CERS5: variants seen among roughly 807,000 people sequenced by gnomAD.
CERS5 encodes the protein ceramide synthase 5.
In CERS5, 37 loss-of-function variants were observed where a neutral mutation model predicts 58.9. The observed-to-expected ratio is 0.63, with a 90% CI of 0.48 to 0.83. The LOEUF (loss-of-function observed/expected upper bound fraction) is 0.83, where lower values mean the gene tolerates loss of function less well. Ranked by LOEUF, CERS5 falls within the 40% of genes least tolerant of loss-of-function variation. The pLI, the probability that CERS5 is intolerant of heterozygous loss-of-function variation, is 0.00. For synonymous variants in CERS5, 147 were observed against 177.8 expected, an observed-to-expected ratio of 0.83 and a Z score of 1.38; for missense variants, 398 against 489.3, an observed-to-expected ratio of 0.81 and a Z score of 1.76.
chr12:50,130,555 GCCCAGTAGCTGCCT>G lies in CERS5; in HGVS notation c.1155_1168del (p.Gly386Ter), dbSNP rs753429264. On this transcript the variant is annotated frameshift_variant, in exon 10 of 10. Transcript: ENST00000317551. LOFTEE classifies it high-confidence loss of function. ...CCTATAGCAACCACCTTACTCTTCA[GCCCAGTAGCTGCCT>G]CCCATGTGACCATTCACCCGATTGG... 4.4e-6 allele frequency: 7 copies of G among 1,606,198 alleles called. No individual in the cohort carries two copies. Among genetic ancestry groups the G allele is most frequent in the Non-Finnish European group, 6.0e-6 (7 of 1,173,758 alleles).
chr12:50,142,704 A>T (rs1346988720), intron 3 of CERS5, among the ~76,000 whole-genome samples: 2 of 152,238 alleles, frequency 1.3e-5, no homozygotes, highest in African/African-American at 2.4e-5. Context: ...AATGAAAAAT[A>T]GTATTTCCCA....
chr12:50,135,148 G>A (rs1417239427), intron 8 of CERS5, among the ~76,000 whole-genome samples: 6 of 46,188 alleles, frequency 1.3e-4, no homozygotes, highest in South Asian at 1.2e-3. Context: ...AGAGAGAGAG[G>A]AGGGAGGGAG....
At chr12:50,155,465 G>C (rs1025747596) in intron 1 of CERS5, among the ~76,000 whole-genome samples, 2 of 151,842 alleles carry the variant, frequency 1.3e-5, no homozygotes, top group Admixed American at 6.6e-5. Flanking sequence ...TGCCAGGCAC[G>C]GTGACTCAGG....
In CERS5 at chr12:50,138,537, A is replaced by G. The variant is rs768577227; in HGVS notation, c.543+30T>C. On this transcript the variant is annotated intron_variant, in intron 5 of 9. Transcript: ENST00000317551. ...TCACTCCACCTTATACACATTCAAG[A>G]CCCCTATCCTGAAACGACTCAGATC... 11 of 1,595,758 alleles carry G rather than the reference A, an allele frequency of 6.9e-6. 1 individual carries two copies. The highest frequency in any genetic ancestry group is 6.7e-5 in the Admixed American group (4 of 59,946).
intron 1 of CERS5, chr12:50,144,590 T>A: frequency 2.4e-6 from 1 of 422,950 alleles, no homozygotes; most frequent in Non-Finnish European, 4.2e-6. Flanking sequence ...CATATAGATA[T>A]CCTGGATCTT....
rs976487810 is a variant in CERS5, at chr12:50,129,439, A to G, written c.*1106T>C. On this transcript the variant is annotated 3_prime_UTR_variant, in exon 10 of 10. Transcript: ENST00000317551. Reference sequence around the variant, plus strand: ...CTGACTTTCAAAAGCATATTCATTCATATTTCACAACAATATTAGTCTATT... The same window carrying G: ...CTGACTTTCAAAAGCATATTCATTCGTATTTCACAACAATATTAGTCTATT... 1 of 151,960 alleles carries G rather than the reference A, an allele frequency of 6.6e-6. No homozygotes were observed. Among genetic ancestry groups the G allele is most frequent in the African/African-American group, 2.4e-5 (1 of 41,366 alleles). 9.4% of individuals were successfully genotyped at this position (151,960 alleles called of 1,614,324 possible). A position where few individuals can be genotyped will look rare whatever the true frequency, so the allele number is the denominator to read the frequency against.
intron 1 of CERS5, chr12:50,144,657 G>A (rs1952158314): frequency 7.2e-6 from 4 of 552,108 alleles, no homozygotes; most frequent in East Asian, 3.1e-5. Context: ...TTCAGGAGTC[G>A]AGAAGAAAGA....
At chr12:50,139,325 C>G (rs1951843759) in intron 4 of CERS5, among the ~76,000 whole-genome samples, 1 of 151,616 alleles carries the variant, frequency 6.6e-6, no homozygotes. Flanking sequence ...ACAAAAAATA[C>G]AAAAATTAGC....
At chr12:50,146,428 A>G (rs1034354204) in intron 1 of CERS5, among the ~76,000 whole-genome samples, 11 of 152,194 alleles carry the variant, frequency 7.2e-5, no homozygotes, top group African/African-American at 2.4e-4. Flanking sequence ...CAATTTTAAA[A>G]TTACTATTAT....
In CERS5 at chr12:50,130,409, A is replaced by G; in HGVS notation, c.*136T>C. On this transcript the variant is annotated 3_prime_UTR_variant, in exon 10 of 10. Coordinates refer to ENST00000317551, the MANE Select transcript of CERS5 (RefSeq NM_147190.5). ...ATGGCAGTTTTCTTTCAAAGTGAAA[A>G]TATTTGCTTCTTTGATACTCCTCAG... The G allele has an allele frequency of 1.4e-6, 1 of 739,510 alleles. No homozygotes were observed. The highest frequency in any genetic ancestry group is 2.9e-5 in the Admixed American group (1 of 34,742). The allele number at this position is 739,510 out of a possible 1,614,324, so 45.8% of individuals were successfully genotyped here.
chr12:50,152,861 G>A (rs1938118970), intron 1 of CERS5, among the ~76,000 whole-genome samples: 1 of 152,076 alleles, frequency 6.6e-6, no homozygotes, highest in Non-Finnish European at 1.5e-5. Flanking sequence ...CCTGAGGTCA[G>A]GAGTTTGAGA....
At chr12:50,133,250 C>T (rs1450074832) in intron 9 of CERS5, 3 of 1,078,020 alleles carry the variant, frequency 2.8e-6, no homozygotes, top group Non-Finnish European at 3.4e-6. Flanking sequence ...CAGAGCCCCT[C>T]CCACTTGGGA....
intron 1 of CERS5, among the ~76,000 whole-genome samples, chr12:50,152,582 T>C (rs370824718): frequency 3.3e-5 from 5 of 149,774 alleles, no homozygotes; most frequent in Non-Finnish European, 4.4e-5. Flanking sequence ...TCTCCACTTA[T>C]TCTGTGATAA....
intron 1 of CERS5, among the ~76,000 whole-genome samples, chr12:50,155,397 A>G (rs1008905718): frequency 2.0e-5 from 3 of 151,848 alleles, no homozygotes; most frequent in Admixed American, 2.0e-4. Context: ...CATTTCTTGC[A>G]TGGTCTGTGC....
intron 4 of CERS5, among the ~76,000 whole-genome samples, chr12:50,140,284 A>ATTTTTTTTTTTTTTTTTTTT (rs57651378): frequency 1.7e-4 from 16 of 96,248 alleles, no homozygotes; most frequent in African/African-American, 7.2e-4. Context: ...TAACTTCCAA[A>ATTTTTTTTTTTTTTTTTTTT]TTTTTTTTTT....
chr12:50,154,379 C>G (rs576496067), intron 1 of CERS5: 1 of 160,798 alleles, frequency 6.2e-6, no homozygotes, highest in Admixed American at 6.5e-5. Context: ...AAAACTGCTA[C>G]TTGTGTTTTG....
intron 1 of CERS5, among the ~76,000 whole-genome samples, chr12:50,157,164 C>T (rs1261523129): frequency 6.6e-6 from 1 of 152,068 alleles, no homozygotes. Context: ...CCTCAAACAT[C>T]GGACTCCAAG....
intron 1 of CERS5, among the ~76,000 whole-genome samples, chr12:50,164,030 G>A (rs967615941): frequency 6.7e-6 from 1 of 150,242 alleles, no homozygotes; most frequent in Non-Finnish European, 1.5e-5. Flanking sequence ...TGTGATCTTG[G>A]CTCACTGCAA....
intron 6 of CERS5, 22 bp downstream of exon 6, chr12:50,137,706 T>C (rs370492865): frequency 1.7e-5 from 23 of 1,360,126 alleles, no homozygotes; most frequent in Non-Finnish European, 2.3e-5. Context: ...AGTTGGGGAA[T>C]TGAGGGAGCC....
Sources: allele counts gnomAD v4.1 joint callset (sites outside exome capture counted in the v4.1 genomes callset), GRCh38; gene constraint gnomAD v4.1.1; transcripts MANE v1.5; gene names NCBI Gene and HGNC (gene_info 2026-07-23, HGNC 2026-07-21).